Variants in PREX1 observed in about 807,000 individuals in gnomAD.
PREX1 encodes phosphatidylinositol-3,4,5-trisphosphate dependent Rac exchange factor 1, also known as phosphatidylinositol 3,4,5-trisphosphate-dependent Rac exchanger 1 protein.
PREX1 carries 41 observed loss-of-function variants against 198.3 expected under a neutral mutation model. That is an observed-to-expected ratio of 0.21 (90% CI 0.16 to 0.27). PREX1 has a LOEUF of 0.27. Ranked by LOEUF, PREX1 falls within the 10% of genes least tolerant of loss-of-function variation. The pLI is 1.00. For missense variants in PREX1, 1,620 were observed against 2,200.7 expected (o/e 0.74, Z 5.28); for synonymous variants, 843 against 887.2 (o/e 0.95, Z 0.89).
chr20:48,817,948 T>C lies in PREX1; in HGVS notation c.219+9694A>G, dbSNP rs542148809. 2.6e-5 allele frequency among the ~76,000 whole-genome samples: 4 copies of C among 151,958 alleles called. No homozygotes were observed. In the East Asian group the frequency reaches 5.8e-4, roughly 22 times the overall value. ...GACAATAAGTAATAAATAAGTAAAA[T>C]GTCCAGTGTGTTAGCTAGTGGGAAA... is the stretch of plus-strand genomic sequence containing the variant. On this transcript the variant is annotated intron_variant, in intron 1 of 39. Coordinates refer to ENST00000371941, the MANE Select transcript of PREX1 (RefSeq NM_020820.4).
At chr20:48,760,421 C>T (rs2090174119) in intron 1 of PREX1, among the ~76,000 whole-genome samples, 1 of 152,106 alleles carries the variant, frequency 6.6e-6, no homozygotes, top group Non-Finnish European at 1.5e-5. Flanking sequence ...GAGCCCCCCA[C>T]ATCCTCATCA....
Position 48,734,663 on chromosome 20 carries a change from G to A in PREX1, c.415-13C>T. The stretch of plus-strand genomic sequence containing the variant: ...AGAACTTGTCCTTCTGCAAGACAAG[G>A]ACAGAGCCTGTGGGAGGCAGGTCAT... On this transcript the variant is annotated splice_polypyrimidine_tract_variant and intron_variant, in intron 3 of 39. Transcript: ENST00000371941. 6.2e-7 allele frequency: 1 copy of A among 1,611,510 alleles called. No homozygotes were observed. The highest frequency in any genetic ancestry group is 8.5e-7 in the Non-Finnish European group (1 of 1,177,822).
chr20:48,756,115 G>A (rs996756994), intron 1 of PREX1, among the ~76,000 whole-genome samples: 1 of 152,200 alleles, frequency 6.6e-6, no homozygotes, highest in Non-Finnish European at 1.5e-5. Flanking sequence ...TTTACCTTCT[G>A]CAGAAGAGCC....
intron 19 of PREX1, 138 bp downstream of exon 19, chr20:48,655,152 G>T: frequency 1.1e-6 from 1 of 921,894 alleles, no homozygotes; most frequent in Non-Finnish European, 1.6e-6. Flanking sequence ...GCAAGTCTTG[G>T]CATCAGGCAA....
chr20:48,839,079 T>C, the PREX1 span, among the ~76,000 whole-genome samples: 1 of 151,534 alleles, frequency 6.6e-6, no homozygotes, highest in Non-Finnish European at 1.5e-5. Context: ...GGGATAATTA[T>C]GGGTGTTTGT....
intron 5 of PREX1, among the ~76,000 whole-genome samples, chr20:48,717,594 A>C (rs1320315221): frequency 1.3e-5 from 2 of 152,204 alleles, no homozygotes; most frequent in South Asian, 2.1e-4. Context: ...TGCAAAAAAA[A>C]ACCCACAAAC....
At chr20:48,792,815 A>ATACACACAC (rs758333598) in intron 1 of PREX1, among the ~76,000 whole-genome samples, 998 of 75,766 alleles carry the variant, frequency 0.013, 10 homozygotes, top group East Asian at 0.03. Context: ...AAAAAAAAAA[A>ATACACACAC]ATACACACAC....
At position 48,651,546 on chromosome 20, in the gene PREX1, C is replaced by T. The variant is rs765547312; in HGVS notation, c.2505G>A (p.Leu835=). The change falls in exon 22 of 40, where the codon CTG becomes CTA. Residue 835 remains leucine, a synonymous_variant. Coordinates refer to ENST00000371941, the MANE Select transcript of PREX1 (RefSeq NM_020820.4). ...PLLSLGPRLS[L]CEDSPMVTLT... is the part of the protein sequence containing the mutation. ...GGGTGACCATGGGGCTGTCCTCACA[C>T]AGGCTCAGCCGGGGACCCAGGGACA... 6.2e-7 allele frequency: 1 copy of T among 1,614,132 alleles called. No individual in the cohort carries two copies. Among genetic ancestry groups the T allele is most frequent in the South Asian group, 1.1e-5 (1 of 91,072 alleles).
At chr20:48,658,915 A>G (rs903773989) in intron 16 of PREX1, among the ~76,000 whole-genome samples, 2 of 152,004 alleles carry the variant, frequency 1.3e-5, no homozygotes, top group Non-Finnish European at 2.9e-5. Context: ...GGGAGGCCCC[A>G]AGGCACTGGA....
At chr20:48,772,173 G>A (rs2090239215) in intron 1 of PREX1, among the ~76,000 whole-genome samples, 1 of 152,116 alleles carries the variant, frequency 6.6e-6, no homozygotes, top group African/African-American at 2.4e-5. Flanking sequence ...CGGCCTGGCT[G>A]AACAGAGCGA....
intron 15 of PREX1, among the ~76,000 whole-genome samples, chr20:48,665,727 G>T (rs959015087): frequency 5.9e-5 from 9 of 152,170 alleles, no homozygotes; most frequent in Non-Finnish European, 7.3e-5. Flanking sequence ...AATTTAAACC[G>T]GTGTCCATGG....
chr20:48,813,084 C>G (rs1399793493), intron 1 of PREX1, among the ~76,000 whole-genome samples: 1 of 152,250 alleles, frequency 6.6e-6, no homozygotes, highest in African/African-American at 2.4e-5. Context: ...ACCTACTCTA[C>G]TCCACCCCCA....
At chr20:48,862,790 A>AAAAAAATAT in the PREX1 span, among the ~76,000 whole-genome samples, 24 of 102,584 alleles carry the variant, frequency 2.3e-4, 1 homozygote, top group African/African-American at 8.3e-4. Context: ...TAAAAAAAAA[A>AAAAAAATAT]ATATATATAT....
At chr20:48,831,342 G>A (rs1450546884), upstream of PREX1, among the ~76,000 whole-genome samples, 1 of 152,166 alleles carries the variant, frequency 6.6e-6, no homozygotes, top group African/African-American at 2.4e-5. Context: ...TAGTCCCCTG[G>A]CACAAGGCTG....
the PREX1 span, among the ~76,000 whole-genome samples, chr20:48,837,589 C>T: frequency 6.6e-6 from 1 of 152,184 alleles, no homozygotes; most frequent in African/African-American, 2.4e-5. Context: ...AAATACCTCA[C>T]GTTCTCACTT....
rs868527877 is a variant in PREX1 at position 48,718,046 on chromosome 20, T to C, written c.621+8244A>G. Among the ~76,000 whole-genome samples the C allele has an allele frequency of 7.2e-5, 11 of 152,334 alleles. No homozygotes were observed. The South Asian group carries it at 2.3e-3, about 32-fold the overall frequency. ...GGCTGTTCCTTAGAAGGGATGTGTGTCCTCTAGTCTGCCACAGTTCCCACC... is the reference window on the plus strand; with the variant it reads ...GGCTGTTCCTTAGAAGGGATGTGTGCCCTCTAGTCTGCCACAGTTCCCACC... On this transcript the variant is annotated intron_variant, in intron 5 of 39. Coordinates refer to ENST00000371941, the MANE Select transcript of PREX1 (RefSeq NM_020820.4).
chr20:48,762,706 T>C (rs1001726863), intron 1 of PREX1, among the ~76,000 whole-genome samples: 1 of 150,688 alleles, frequency 6.6e-6, no homozygotes, highest in African/African-American at 2.4e-5. Context: ...AGTTTCTTTT[T>C]TTTTTTTTTT....
rs1171247467 is a variant in PREX1 at position 48,676,195 on chromosome 20, G to C, written c.1663C>G (p.Gln555Glu). ...GSKLVDWLLA[Q>E]GDCQTREEAV... The stretch of plus-strand genomic sequence containing the variant: ...CACACCCCTGAGGAGGCCCTCACCT[G>C]AGCCAGCAGCCAGTCCACCAGCTTG... Residue 555 changes from glutamine (Q) to glutamate (E), a missense_variant and splice_region_variant, in exon 14 of 40, where the codon CAG (glutamine) becomes GAG (glutamate). By Grantham distance (29) the Gln-to-Glu change is conservative. Transcript: ENST00000371941. 1 of 1,613,740 alleles carries C rather than the reference G, an allele frequency of 6.2e-7. No homozygotes were observed.
At chr20:48,804,708 GAC>G (rs1568870376) in intron 1 of PREX1, among the ~76,000 whole-genome samples, 1 of 152,256 alleles carries the variant, frequency 6.6e-6, no homozygotes, top group Non-Finnish European at 1.5e-5. Flanking sequence ...CCCAGCAGGA[GAC>G]CATGGTGGCT....
Sources: gnomAD v4.1 joint callset for allele counts (sites outside exome capture counted in the v4.1 genomes callset) on GRCh38, gnomAD v4.1.1 for gene constraint, MANE v1.5 for transcripts, NCBI Gene and HGNC (gene_info 2026-07-23, HGNC 2026-07-21) for gene names.